PMPCB: variants seen among roughly 807,000 people sequenced by gnomAD.
PMPCB encodes peptidase, mitochondrial processing subunit beta.
Under a neutral mutation model 61.5 loss-of-function variants are expected in PMPCB, and 46 were observed. The ratio of observed to expected loss-of-function variants is 0.75; its 90% confidence interval spans 0.59 to 0.96. The LOEUF is 0.96. PMPCB is among the 40% of genes least tolerant of loss of function. PMPCB has a pLI of 0.00. For missense variants in PMPCB, 590 were observed against 602.4 expected, an observed-to-expected ratio of 0.98 and a Z score of 0.22; for synonymous variants, 191 against 201.6, an observed-to-expected ratio of 0.95 and a Z score of 0.44.
At chr7:103,333,260 A>T (rs1037794903), downstream of PMPCB, among the ~76,000 whole-genome samples, 12 of 152,166 alleles carry the variant, frequency 7.9e-5, no homozygotes, top group African/African-American at 2.9e-4. Flanking sequence ...AAACCTCTGA[A>T]TTGAATTTCC....
At chr7:103,338,767 G>A in the PMPCB span, among the ~76,000 whole-genome samples, 15 of 151,812 alleles carry the variant, frequency 9.9e-5, no homozygotes, top group African/African-American at 2.2e-4. Flanking sequence ...AAAATTAGCC[G>A]GGCGTGGTGG....
downstream of PMPCB, among the ~76,000 whole-genome samples, chr7:103,331,549 T>C (rs1214228355): frequency 6.6e-6 from 1 of 152,192 alleles, no homozygotes; most frequent in Non-Finnish European, 1.5e-5. Context: ...TATCATTCTA[T>C]CTACTACCTC....
Position 103,304,027 on chromosome 7 carries a change from A to T in PMPCB, c.643A>T (p.Thr215Ser), listed in dbSNP as rs368361253. 23 of 1,610,152 alleles carry T rather than the reference A, an allele frequency of 1.4e-5. No individual in the cohort carries two copies. The highest frequency in any genetic ancestry group is 1.9e-5 in the Non-Finnish European group (22 of 1,176,646). Residue 215 changes from threonine to serine, a missense_variant, in exon 5 of 13, where the codon ACT becomes TCT. Thr to Ser is a moderately conservative substitution (Grantham distance 58). Coordinates refer to ENST00000249269, the MANE Select transcript of PMPCB (RefSeq NM_004279.3). Reference sequence around the variant, plus strand: ...ACTTGGACGGACAATTTTGGGACCAACTGAAAATATCAAGTAGGTATAACA... The same window carrying T: ...ACTTGGACGGACAATTTTGGGACCATCTGAAAATATCAAGTAGGTATAACA... ...TALGRTILGPTENIKSISRKD... is the reference protein window; with the variant it reads ...TALGRTILGPSENIKSISRKD...
the PMPCB span, among the ~76,000 whole-genome samples, chr7:103,345,830 T>C: frequency 1.2e-4 from 18 of 151,830 alleles, no homozygotes; most frequent in Admixed American, 1.2e-3. Flanking sequence ...TTTTCAAAAA[T>C]TGAACTAAGG....
In PMPCB at chr7:103,304,122, T is replaced by C. The variant is rs899453586; in HGVS notation, c.656+82T>C. The stretch of plus-strand genomic sequence containing the variant: ...CATTTACAAATTTTCAAAAAGTATG[T>C]TTCAGAAAGTAATTTTCCCCCTGGT... On this transcript the variant is annotated intron_variant, in intron 5 of 12. Transcript: ENST00000249269. The C allele has an allele frequency of 1.8e-5, 20 of 1,126,040 alleles. No homozygotes were observed. In the Admixed American group the frequency reaches 3.3e-4, roughly 18 times the overall value. 69.8% of individuals were successfully genotyped at this position (1,126,040 alleles called of 1,614,324 possible). A position where few individuals can be genotyped will look rare whatever the true frequency, so the allele number is the denominator to read the frequency against.
At chr7:103,297,778 G>T in intron 1 of PMPCB, 1 of 1,531,614 alleles carries the variant, frequency 6.5e-7, no homozygotes, top group Non-Finnish European at 8.7e-7. Flanking sequence ...GGATGACCCT[G>T]GTTTTCGGCT....
At chr7:103,337,816 A>G in the PMPCB span, 8 of 1,608,548 alleles carry the variant, frequency 5.0e-6, no homozygotes, top group African/African-American at 2.7e-5. Context: ...TTGGTTCTGG[A>G]AAAAAAACAC....
Position 103,313,437 on chromosome 7 carries a change from CT to C in PMPCB, c.*1167del, listed in dbSNP as rs1028714800. ...TTTATAGTACTGTTGGACTCTTGGA[CT>C]CAAAAACACAACCACAATTCATTAA... is the stretch of plus-strand genomic sequence containing the variant. On this transcript the variant is annotated 3_prime_UTR_variant, in exon 13 of 13. Transcript: ENST00000249269. 2 of 984,126 alleles carry C rather than the reference CT, an allele frequency of 2.0e-6. No individual in the cohort carries two copies. Among genetic ancestry groups the C allele is most frequent in the Non-Finnish European group, 1.2e-6 (1 of 828,894 alleles). The allele number at this position is 984,126 out of a possible 1,614,324, so 61.0% of individuals were successfully genotyped here.
In PMPCB at chr7:103,308,969, C is replaced by T. The variant is rs1314811662; in HGVS notation, c.867C>T (p.Asp289=). ...TTAACTAGATTCGTGTGAGGGATGA[C>T]AAGATGCCTTTGGCGCACCTTGCAA... The part of the protein sequence containing the change: ...FTGSEIRVRD[D]KMPLAHLAIA... Residue 289 remains aspartate (D), a synonymous_variant, in exon 8 of 13, where the codon GAC becomes GAT. Coordinates refer to ENST00000249269, the MANE Select transcript of PMPCB (RefSeq NM_004279.3). The T allele has an allele frequency of 1.3e-6, 2 of 1,593,610 alleles. No homozygotes were observed. Among genetic ancestry groups the T allele is most frequent in the Non-Finnish European group, 1.7e-6 (2 of 1,170,080 alleles).
chr7:103,310,673 AATTTT>A, intron 9 of PMPCB, 198 bp downstream of exon 9: 1 of 273,502 alleles, frequency 3.7e-6, no homozygotes, highest in Non-Finnish European at 6.7e-6. Context: ...TATACTATAG[AATTTT>A]TTTTTTTTTT....
rs185158407 is a variant in PMPCB at position 103,302,845 on chromosome 7, A to G, written c.458-997A>G. Among the ~76,000 whole-genome samples the G allele has an allele frequency of 1.8e-4, 28 of 152,288 alleles. No homozygotes were observed. The East Asian group carries it at 5.0e-3, about 27-fold the overall frequency. The stretch of plus-strand genomic sequence containing the variant: ...GTTTGAGCCCAGGAATTTTGAGTCC[A>G]GTCTGGGCAGCATAATGAGACCTTG... On this transcript the variant is annotated intron_variant, in intron 4 of 12. Transcript: ENST00000249269.
At chr7:103,316,806 G>A, downstream of PMPCB, 1 of 1,602,010 alleles carries the variant, frequency 6.2e-7, no homozygotes. Flanking sequence ...GTGAGTTGAA[G>A]AAAAGTTTCA....
At chr7:103,316,909 C>T, downstream of PMPCB, 1 of 1,614,002 alleles carries the variant, frequency 6.2e-7, no homozygotes, top group Non-Finnish European at 8.5e-7. Flanking sequence ...TTTTTACTTC[C>T]ATTTCCACCT....
downstream of PMPCB, among the ~76,000 whole-genome samples, chr7:103,332,154 G>A (rs1371888617): frequency 4.0e-5 from 6 of 151,832 alleles, no homozygotes; most frequent in South Asian, 8.3e-4. Flanking sequence ...ACAGGCACCC[G>A]CCACCACGCC....
intron 12 of PMPCB, among the ~76,000 whole-genome samples, chr7:103,327,137 G>T (rs190318825): frequency 8.3e-4 from 127 of 152,234 alleles, no homozygotes; most frequent in Non-Finnish European, 9.3e-4. Context: ...AGAAATGGTG[G>T]TAACCTACAT....
At chr7:103,335,263 G>A in the PMPCB span, 18 of 152,286 alleles carry the variant, frequency 1.2e-4, no homozygotes, top group South Asian at 3.7e-3. Flanking sequence ...TTTTTATTAG[G>A]TTTGTGCTAA....
chr7:103,315,710 A>G, downstream of PMPCB: 3 of 1,226,320 alleles, frequency 2.4e-6, no homozygotes, highest in South Asian at 1.2e-5. Context: ...TTGTACGTCC[A>G]AGCAGCACAG....
At chr7:103,316,848 G>A, downstream of PMPCB, 1 of 1,613,602 alleles carries the variant, frequency 6.2e-7, no homozygotes, top group Non-Finnish European at 8.5e-7. Flanking sequence ...TGTTCCAGCA[G>A]GGAACAGATT....
the PMPCB span, among the ~76,000 whole-genome samples, chr7:103,340,264 T>C: frequency 3.9e-5 from 6 of 152,366 alleles, no homozygotes; most frequent in Non-Finnish European, 7.3e-5. Context: ...CCCTTCTTAG[T>C]ATCTTCTGCT....
Sources: gnomAD v4.1 joint callset for allele counts (sites outside exome capture counted in the v4.1 genomes callset) on GRCh38, gnomAD v4.1.1 for gene constraint, MANE v1.5 for transcripts, NCBI Gene and HGNC (gene_info 2026-07-23, HGNC 2026-07-21) for gene names.